The following RCSD1 variants were observed in gnomAD, a reference collection of about 807,000 sequenced individuals.
RCSD1 encodes capZ-interacting protein.
Under a neutral mutation model 42.5 loss-of-function variants are expected in RCSD1, and 26 were observed. The observed-to-expected ratio is 0.61, with a 90% CI of 0.45 to 0.85. The LOEUF is 0.85. Ranked by LOEUF, RCSD1 falls within the 40% of genes least tolerant of loss-of-function variation. RCSD1 has a pLI of 0.00. For synonymous variants in RCSD1, 220 were observed against 212.2 expected, an observed-to-expected ratio of 1.04 and a Z score of -0.32; for missense variants, 571 against 528.3, an observed-to-expected ratio of 1.08 and a Z score of -0.79.
In RCSD1 at chr1:167,685,626, G is replaced by A. The variant is rs552378799; in HGVS notation, c.198+116G>A. The A allele has an allele frequency of 2.5e-5, 19 of 762,792 alleles. No homozygotes were observed. The East Asian group carries it at 5.0e-4, about 20-fold the overall frequency. The allele number at this position is 762,792 out of a possible 1,614,324, so 47.3% of individuals were successfully genotyped here. On this transcript the variant is annotated intron_variant, in intron 3 of 6. Coordinates refer to ENST00000367854, the MANE Select transcript of RCSD1 (RefSeq NM_052862.4). Reference sequence around the variant, plus strand: ...TACTTTAAAGCTCAGACTCTGTGCAGGGAATTTCTCCATTTCAGAGTGAAT... The same window carrying A: ...TACTTTAAAGCTCAGACTCTGTGCAAGGAATTTCTCCATTTCAGAGTGAAT...
chr1:167,679,453 TA>T (rs1254999705), intron 1 of RCSD1, among the ~76,000 whole-genome samples: 1 of 152,190 alleles, frequency 6.6e-6, no homozygotes, highest in Non-Finnish European at 1.5e-5. Context: ...ACTAAGGACA[TA>T]AAGGAAGATT....
intron 1 of RCSD1, among the ~76,000 whole-genome samples, chr1:167,632,537 T>C (rs1657730309): frequency 2.0e-5 from 3 of 152,046 alleles, no homozygotes; most frequent in Admixed American, 2.0e-4. Context: ...GGGATTGCAG[T>C]AAAAGAGAAG....
intron 1 of RCSD1, among the ~76,000 whole-genome samples, chr1:167,639,198 C>A (rs1283121804): frequency 6.6e-6 from 1 of 152,010 alleles, no homozygotes; most frequent in Non-Finnish European, 1.5e-5. Context: ...GCCTGGGTGA[C>A]ACAGGGAGAC....
chr1:167,643,719 A>G (rs1658061759), intron 1 of RCSD1, among the ~76,000 whole-genome samples: 1 of 152,212 alleles, frequency 6.6e-6, no homozygotes, highest in Non-Finnish European at 1.5e-5. Flanking sequence ...CCATTTGTAA[A>G]ATGGAAATAA....
intron 1 of RCSD1, among the ~76,000 whole-genome samples, chr1:167,659,302 T>C (rs1007296811): frequency 6.6e-6 from 1 of 152,194 alleles, no homozygotes; most frequent in Non-Finnish European, 1.5e-5. Flanking sequence ...CTCATTTTCA[T>C]CTGTGTTAGA....
chr1:167,680,743 G>A lies in RCSD1; in HGVS notation c.7-3157G>A, dbSNP rs189488626. Reference sequence around the variant, plus strand: ...CTGCCTTGGACTCCCAAAATGCTGGGATTCCAGGCTTGAGCTACTGTGCCC... The same window carrying A: ...CTGCCTTGGACTCCCAAAATGCTGGAATTCCAGGCTTGAGCTACTGTGCCC... On this transcript the variant is annotated intron_variant, in intron 1 of 6. Transcript: ENST00000367854. Among the ~76,000 whole-genome samples, 6 of 152,312 alleles carry A rather than the reference G, an allele frequency of 3.9e-5. No homozygotes were observed. The East Asian group carries it at 9.6e-4, about 24-fold the overall frequency.
intron 3 of RCSD1, among the ~76,000 whole-genome samples, chr1:167,687,871 T>G (rs978583829): frequency 3.3e-5 from 5 of 152,248 alleles, no homozygotes; most frequent in Non-Finnish European, 5.9e-5. Context: ...AAGAACCAGC[T>G]GAAGTTGGGT....
At chr1:167,642,567 C>A (rs1658033639) in intron 1 of RCSD1, among the ~76,000 whole-genome samples, 1 of 152,180 alleles carries the variant, frequency 6.6e-6, no homozygotes, top group Non-Finnish European at 1.5e-5. Context: ...TTAAGGGCAT[C>A]TGTTTAGACT....
chr1:167,659,744 C>G (rs1220553877), intron 1 of RCSD1, among the ~76,000 whole-genome samples: 1 of 152,170 alleles, frequency 6.6e-6, no homozygotes, highest in African/African-American at 2.4e-5. Context: ...CCCCCTCCCC[C>G]ATTTGCTCCT....
intron 1 of RCSD1, among the ~76,000 whole-genome samples, chr1:167,660,812 T>A (rs1449739556): frequency 6.6e-6 from 1 of 152,216 alleles, no homozygotes; most frequent in Non-Finnish European, 1.5e-5. Context: ...TGGTTTCATA[T>A]TTCCCTAACT....
chr1:167,684,039 G>A (rs377306364), intron 2 of RCSD1, 38 bp downstream of exon 2: 34 of 1,538,672 alleles, frequency 2.2e-5, no homozygotes, highest in Middle Eastern at 1.7e-4. Context: ...CTTCAGCAGC[G>A]GGCAGGAGGA....
At position 167,697,175 on chromosome 1, in the gene RCSD1, T is replaced by G. The variant is rs760728101; in HGVS notation, c.551T>G (p.Leu184Arg). ...FRRSQSDCGE[L>R]GDFRAVESSQ... The stretch of plus-strand genomic sequence containing the variant: ...AGGTCACAGTCAGACTGTGGAGAAC[T>G]TGGAGATTTCAGGGCGGTGGAGTCA... Residue 184 changes from leucine (L) to arginine (R), a missense_variant, in exon 6 of 7, where the codon CTT becomes CGT. By Grantham distance (102) the Leu-to-Arg change is moderately radical (BLOSUM62 -2). Transcript: ENST00000367854. 7 of 1,614,046 alleles carry G rather than the reference T, an allele frequency of 4.3e-6. No homozygotes were observed. The African/African-American group carries it at 8.0e-5, about 18-fold the overall frequency.
At chr1:167,671,699 T>C (rs891869860) in intron 1 of RCSD1, among the ~76,000 whole-genome samples, 4 of 152,326 alleles carry the variant, frequency 2.6e-5, no homozygotes, top group African/African-American at 4.8e-5. Context: ...AGGCCACACA[T>C]GTCTTACCCT....
At chr1:167,682,412 A>C (rs1453767077) in intron 1 of RCSD1, among the ~76,000 whole-genome samples, 1 of 152,086 alleles carries the variant, frequency 6.6e-6, no homozygotes, top group Non-Finnish European at 1.5e-5. Context: ...CAAGTGATCA[A>C]CTGCCTCGGC....
In RCSD1 at chr1:167,683,940, C is replaced by T. The variant is rs143143504; in HGVS notation, c.47C>T (p.Ala16Val). 9.3e-6 allele frequency: 15 copies of T among 1,614,204 alleles called. No homozygotes were observed. The highest frequency in any genetic ancestry group is 3.3e-5 in the Admixed American group (2 of 60,034). The change falls in exon 2 of 7, where the codon GCG (alanine) becomes GTG (valine). Residue 16 changes from alanine (A) to valine (V), a missense_variant. Transcript: ENST00000367854. The part of the protein sequence containing the change: ...AETNANVDNS[A>V]SPSVAQLAGR... Reference sequence around the variant, plus strand: ...ACCAATGCCAATGTGGACAACTCGGCGTCCCCCTCGGTGGCCCAGCTGGCC... The same window carrying T: ...ACCAATGCCAATGTGGACAACTCGGTGTCCCCCTCGGTGGCCCAGCTGGCC...
At chr1:167,665,513 A>G (rs1200231857) in intron 1 of RCSD1, among the ~76,000 whole-genome samples, 1 of 152,200 alleles carries the variant, frequency 6.6e-6, no homozygotes, top group Non-Finnish European at 1.5e-5. Context: ...GTGTAGGTGT[A>G]TGCTTAACTT....
chr1:167,682,172 CTTTT>C (rs375451420), intron 1 of RCSD1, among the ~76,000 whole-genome samples: 3 of 140,502 alleles, frequency 2.1e-5, no homozygotes, highest in African/African-American at 5.3e-5. Flanking sequence ...TAAACGAAGC[CTTTT>C]TTTTTTTTTT....
At chr1:167,699,521 C>CT (rs950693093) in intron 6 of RCSD1, among the ~76,000 whole-genome samples, 1 of 152,148 alleles carries the variant, frequency 6.6e-6, no homozygotes, top group African/African-American at 2.4e-5. Flanking sequence ...ATCACACGGC[C>CT]TTTCACTGTT....
chr1:167,705,218 G>T lies in RCSD1; in HGVS notation c.*522G>T, dbSNP rs1257047674. 1 of 152,620 alleles carries T rather than the reference G, an allele frequency of 6.6e-6. No homozygotes were observed. The highest frequency in any genetic ancestry group is 1.5e-5 in the Non-Finnish European group (1 of 68,394). 9.5% of individuals were successfully genotyped at this position (152,620 alleles called of 1,614,324 possible). A position where few individuals can be genotyped will look rare whatever the true frequency, so the allele number is the denominator to read the frequency against. On this transcript the variant is annotated 3_prime_UTR_variant, in exon 7 of 7. Coordinates refer to ENST00000367854, the MANE Select transcript of RCSD1 (RefSeq NM_052862.4). ...TAAAATAGAAACCCTGTAAGTTACA[G>T]AAGACCCTAAATTGTATCAAAACCC...
Sources: gnomAD v4.1 joint callset for allele counts (sites outside exome capture counted in the v4.1 genomes callset) on GRCh38, gnomAD v4.1.1 for gene constraint, MANE v1.5 for transcripts, NCBI Gene and HGNC (gene_info 2026-07-23, HGNC 2026-07-21) for gene names.